The following PIGK variants were observed in gnomAD, a reference collection of about 807,000 sequenced individuals.
PIGK encodes the protein phosphatidylinositol glycan anchor biosynthesis class K, also known as GPI-anchor transamidase.
In PIGK, 42 loss-of-function variants were observed where a neutral mutation model predicts 50.6. The observed-to-expected ratio is 0.83, with a 90% CI of 0.65 to 1.07. The LOEUF (loss-of-function observed/expected upper bound fraction) is 1.07, where lower values mean the gene tolerates loss of function less well. Ranked by LOEUF, PIGK falls within the 50% of genes least tolerant of loss-of-function variation. The pLI, the probability that PIGK is intolerant of heterozygous loss-of-function variation, is 0.00. For synonymous variants in PIGK, 151 were observed against 156.0 expected, an observed-to-expected ratio of 0.97 and a Z score of 0.24; for missense variants, 448 against 488.7, an observed-to-expected ratio of 0.92 and a Z score of 0.78.
At chr1:77,129,016 C>G (rs942571018) in intron 9 of PIGK, 34 of 725,814 alleles carry the variant, frequency 4.7e-5, no homozygotes, top group Middle Eastern at 3.9e-4. Context: ...AGCAGAGCTG[C>G]ATATTTACAA....
At chr1:77,092,867 C>T (rs555300306) in intron 10 of PIGK, among the ~76,000 whole-genome samples, 19 of 152,086 alleles carry the variant, frequency 1.2e-4, no homozygotes, top group Admixed American at 2.0e-4. Flanking sequence ...AGTTTCATGA[C>T]GGTCATCTTA....
chr1:77,179,140 C>T (rs952533771), intron 3 of PIGK, among the ~76,000 whole-genome samples: 2 of 152,150 alleles, frequency 1.3e-5, no homozygotes, highest in Non-Finnish European at 2.9e-5. Flanking sequence ...GTTAACAAGA[C>T]GTTCCAACAT....
intron 9 of PIGK, among the ~76,000 whole-genome samples, chr1:77,151,196 C>T (rs1029346618): frequency 6.6e-5 from 10 of 151,978 alleles, no homozygotes; most frequent in African/African-American, 2.4e-4. Context: ...TGGTTCAATA[C>T]ATGCAAATCA....
At chr1:77,204,479 T>C (rs899441355) in intron 3 of PIGK, among the ~76,000 whole-genome samples, 1 of 152,126 alleles carries the variant, frequency 6.6e-6, no homozygotes, top group Non-Finnish European at 1.5e-5. Context: ...CATGTGATAT[T>C]TTATTGCCCT....
At chr1:77,108,883 T>G (rs1306032056) in intron 10 of PIGK, among the ~76,000 whole-genome samples, 5 of 152,224 alleles carry the variant, frequency 3.3e-5, no homozygotes, top group Non-Finnish European at 7.3e-5. Flanking sequence ...TTGATTGAAT[T>G]GGCTACTGAA....
At chr1:77,151,974 G>C (rs1034387631) in intron 9 of PIGK, among the ~76,000 whole-genome samples, 9 of 151,794 alleles carry the variant, frequency 5.9e-5, no homozygotes, top group African/African-American at 2.2e-4. Context: ...AATTCCAATG[G>C]CACTTTTCAT....
intron 3 of PIGK, among the ~76,000 whole-genome samples, chr1:77,183,581 G>C (rs1655670794): frequency 6.6e-6 from 1 of 152,182 alleles, no homozygotes; most frequent in African/African-American, 2.4e-5. Flanking sequence ...TTTATAAACA[G>C]AAATCTGGAG....
chr1:77,136,325 C>T (rs1393820754), intron 9 of PIGK, among the ~76,000 whole-genome samples: 2 of 151,740 alleles, frequency 1.3e-5, no homozygotes, highest in East Asian at 3.9e-4. Flanking sequence ...GTCAGGAGAT[C>T]GAGACCATCC....
At chr1:77,201,031 A>G (rs1273531722) in intron 3 of PIGK, among the ~76,000 whole-genome samples, 2 of 152,208 alleles carry the variant, frequency 1.3e-5, no homozygotes, top group South Asian at 2.1e-4. Context: ...AGGAATTACC[A>G]TACAGTAAGA....
At chr1:77,109,767 T>C (rs879096933) in intron 10 of PIGK, among the ~76,000 whole-genome samples, 2 of 151,958 alleles carry the variant, frequency 1.3e-5, no homozygotes, top group Admixed American at 6.6e-5. Flanking sequence ...CCAGGGCAAT[T>C]AGGGAGGAGA....
intron 3 of PIGK, among the ~76,000 whole-genome samples, chr1:77,203,982 A>C (rs1373557219): frequency 6.6e-6 from 1 of 152,208 alleles, no homozygotes; most frequent in African/African-American, 2.4e-5. Context: ...GTGTGTTTGA[A>C]CAATATGAAA....
intron 9 of PIGK, among the ~76,000 whole-genome samples, chr1:77,130,366 T>A (rs1011102035): frequency 1.1e-4 from 16 of 151,384 alleles, no homozygotes; most frequent in African/African-American, 3.6e-4. Context: ...TTTTGCATTT[T>A]TATCTTTAAT....
chr1:77,093,116 C>A (rs1196355987), intron 10 of PIGK, among the ~76,000 whole-genome samples: 1 of 152,068 alleles, frequency 6.6e-6, no homozygotes, highest in Non-Finnish European at 1.5e-5. Context: ...GACTCTCCCA[C>A]CTGATATGTT....
chr1:77,192,026 T>A (rs1441402474), intron 3 of PIGK, among the ~76,000 whole-genome samples: 1 of 152,040 alleles, frequency 6.6e-6, no homozygotes, highest in East Asian at 1.9e-4. Context: ...TCCCAGCTAC[T>A]CAGGAGATTG....
At chr1:77,125,765 T>C (rs1474457624) in intron 9 of PIGK, among the ~76,000 whole-genome samples, 1 of 152,136 alleles carries the variant, frequency 6.6e-6, no homozygotes, top group Admixed American at 6.5e-5. Flanking sequence ...TCTCATTTTA[T>C]TTCAAAAAAA....
intron 10 of PIGK, among the ~76,000 whole-genome samples, chr1:77,120,128 T>C (rs1182657227): frequency 6.6e-6 from 1 of 152,204 alleles, no homozygotes; most frequent in African/African-American, 2.4e-5. Flanking sequence ...AATAATGCTA[T>C]AATTTAGATA....
intron 8 of PIGK, among the ~76,000 whole-genome samples, chr1:77,159,215 C>T (rs966554334): frequency 6.6e-6 from 1 of 152,104 alleles, no homozygotes; most frequent in Non-Finnish European, 1.5e-5. Flanking sequence ...GCCTGGGCAG[C>T]TTACACATGG....
chr1:77,174,193 T>G (rs1249741434), intron 3 of PIGK, among the ~76,000 whole-genome samples: 1 of 152,254 alleles, frequency 6.6e-6, no homozygotes, highest in Non-Finnish European at 1.5e-5. Context: ...TATTACAATT[T>G]TCTTTCTCTA....
intron 3 of PIGK, among the ~76,000 whole-genome samples, chr1:77,204,710 C>T (rs774389738): frequency 3.9e-5 from 6 of 152,106 alleles, no homozygotes; most frequent in African/African-American, 1.2e-4. Context: ...AAAGAACCTA[C>T]GTTGAAATAT....
Sources: allele counts gnomAD v4.1 joint callset (sites outside exome capture counted in the v4.1 genomes callset), GRCh38; gene constraint gnomAD v4.1.1; transcripts MANE v1.5; gene names NCBI Gene and HGNC (gene_info 2026-07-23, HGNC 2026-07-21).